Variants in BRCA2 observed in about 807,000 individuals in gnomAD.
BRCA2 encodes the protein BRCA2 DNA repair associated.
Under a neutral mutation model 276.7 loss-of-function variants are expected in BRCA2, and 203 were observed. The ratio of observed to expected loss-of-function variants is 0.73; its 90% CI spans 0.65 to 0.82. The LOEUF is 0.82. Ranked by LOEUF, BRCA2 falls within the 40% of genes least tolerant of loss-of-function variation. The probability of loss-of-function intolerance (pLI) is 0.00; values close to 1 mark genes in which losing one functional copy is unlikely to be tolerated. For missense variants in BRCA2, 3,920 were observed against 3,915.0 expected (o/e 1.00, Z -0.03); for synonymous variants, 1,289 against 1,338.4 (o/e 0.96, Z 0.81).
rs587782722 is a variant in BRCA2, at chr13:32,376,693, C to A, written c.8656C>A (p.Pro2886Thr). Residue 2886 changes from proline to threonine, a missense_variant, in exon 21 of 27, where the codon CCA (proline) becomes ACA (threonine). Physicochemically the swap from Pro to Thr is conservative, Grantham distance 38. Transcript: ENST00000380152. ...HEENTTKPYL[P>T]SRALTRQQVR... is the part of the protein sequence containing the mutation. The stretch of plus-strand genomic sequence containing the variant: ...AGAAAACACAACAAAACCATATTTA[C>A]CATCACGTGCACTAACAAGACAGCA... 1 of 1,614,016 alleles carries A rather than the reference C, an allele frequency of 6.2e-7. No homozygotes were observed. Among genetic ancestry groups the A allele is most frequent in the Non-Finnish European group, 8.5e-7 (1 of 1,179,972 alleles).
At chr13:32,335,249 G>A (rs1056811132) in intron 10 of BRCA2, among the ~76,000 whole-genome samples, 3 of 151,478 alleles carry the variant, frequency 2.0e-5, no homozygotes, top group Non-Finnish European at 2.9e-5. Flanking sequence ...GGACGCTAAG[G>A]CAGGAGAATC....
At position 32,366,755 on chromosome 13, in the gene BRCA2, G is replaced by GAGGT. The variant is rs11571736; in HGVS notation, c.8331+3223_8331+3226dup. 0.013 allele frequency among the ~76,000 whole-genome samples: 1,897 copies of GAGGT among 151,592 alleles called. 38 individuals carry two copies. The highest frequency in any genetic ancestry group is 0.044 in the African/African-American group (1,817 of 41,298). On this transcript the variant is annotated intron_variant, in intron 18 of 26. Transcript: ENST00000380152. Reference sequence around the variant, plus strand: ...GAGAATCACTTGAACCTGGGACGTAGAGGTTGCAGTGAGCCAAGGTCGCAC... The same window carrying GAGGT: ...GAGAATCACTTGAACCTGGGACGTAGAGGTAGGTTGCAGTGAGCCAAGGTCGCAC...
intron 3 of BRCA2, among the ~76,000 whole-genome samples, chr13:32,324,287 TC>T (rs1356748343): frequency 6.6e-6 from 1 of 152,162 alleles, no homozygotes; most frequent in East Asian, 1.9e-4. Context: ...AAAGAGTTGT[TC>T]CAGGTCAAGA....
Position 32,370,564 on chromosome 13 carries a change from T to A in BRCA2, c.8487+7T>A. ...AAGAGCATACCCTATACAGGTATGATGTATTCTTGAAACTTACCATATATT... is the reference window on the plus strand; with the variant it reads ...AAGAGCATACCCTATACAGGTATGAAGTATTCTTGAAACTTACCATATATT... On this transcript the variant is annotated splice_region_variant and intron_variant, in intron 19 of 26. Transcript: ENST00000380152. 1 of 1,608,516 alleles carries A rather than the reference T, an allele frequency of 6.2e-7. No individual in the cohort carries two copies. The highest frequency in any genetic ancestry group is 8.5e-7 in the Non-Finnish European group (1 of 1,174,892).
At chr13:32,355,366 T>C (rs2072686172) in intron 14 of BRCA2, 78 bp downstream of exon 14, 50 of 1,518,034 alleles carry the variant, frequency 3.3e-5, no homozygotes, top group Non-Finnish European at 4.1e-5. Context: ...TCCTGATGGT[T>C]TTCCCCCTTT....
chr13:32,395,948 T>TTTTCTTTC (rs772025726), intron 25 of BRCA2: 3 of 233,152 alleles, frequency 1.3e-5, no homozygotes, highest in African/African-American at 2.7e-5. Flanking sequence ...CATTTTCTTT[T>TTTTCTTTC]TTTCTTTCTT....
In BRCA2 at chr13:32,394,934, G is replaced by A. The variant is rs397508058; in HGVS notation, c.9501+1G>A. The stretch of plus-strand genomic sequence containing the variant: ...CAACAAAATGAAAAATACTGTTGAG[G>A]TAAGGTTACTTTTCAGCATCACCAC... On this transcript the variant is annotated splice_donor_variant, in intron 25 of 26. Coordinates refer to ENST00000380152, the MANE Select transcript of BRCA2 (RefSeq NM_000059.4). LOFTEE classifies it high-confidence loss of function. The A allele has an allele frequency of 1.9e-6, 3 of 1,613,914 alleles. No homozygotes were observed. The highest frequency in any genetic ancestry group is 1.1e-5 in the South Asian group (1 of 91,060).
chr13:32,365,417 G>T (rs938402133), intron 18 of BRCA2, among the ~76,000 whole-genome samples: 4 of 152,040 alleles, frequency 2.6e-5, no homozygotes, highest in Non-Finnish European at 4.4e-5. Context: ...TCTCGCTCTT[G>T]TTGCCCAGGC....
intron 20 of BRCA2, among the ~76,000 whole-genome samples, 154 bp from the exon 21 acceptor site, chr13:32,376,516 T>A (rs1236822359): frequency 6.9e-6 from 1 of 145,874 alleles, no homozygotes; most frequent in Non-Finnish European, 1.5e-5. Flanking sequence ...AGTGAGACCC[T>A]GTCTCAAAAA....
chr13:32,316,424 T>C lies in BRCA2; in HGVS notation c.-37T>C. On this transcript the variant is annotated splice_region_variant and 5_prime_UTR_variant, in exon 2 of 27. Transcript: ENST00000380152. ...CATTTTGGTCTTCTGTTTTGCAGAC[T>C]TATTTACCAAGCATTGGAGGAATAT... 6.3e-7 allele frequency: 1 copy of C among 1,582,214 alleles called. No individual in the cohort carries two copies. The highest frequency in any genetic ancestry group is 8.7e-7 in the Non-Finnish European group (1 of 1,151,278).
chr13:32,358,884 A>G (rs1439758909), intron 16 of BRCA2, among the ~76,000 whole-genome samples: 2 of 151,804 alleles, frequency 1.3e-5, no homozygotes, highest in African/African-American at 4.8e-5. Flanking sequence ...CAGTGAGCCA[A>G]GATCACGCCA....
At chr13:32,372,400 T>G (rs974377981) in intron 20 of BRCA2, among the ~76,000 whole-genome samples, 1 of 152,198 alleles carries the variant, frequency 6.6e-6, no homozygotes, top group African/African-American at 2.4e-5. Context: ...TTAATTGACT[T>G]ACAGTTCCAC....
intron 24 of BRCA2, chr13:32,385,471 G>A (rs934114199): frequency 1.4e-5 from 3 of 214,606 alleles, no homozygotes; most frequent in African/African-American, 4.6e-5. Context: ...AGAAGACTTT[G>A]TGGATGAAGC....
chr13:32,374,029 C>T (rs1227848385), intron 20 of BRCA2, among the ~76,000 whole-genome samples: 1 of 152,254 alleles, frequency 6.6e-6, no homozygotes, highest in Admixed American at 6.5e-5. Context: ...TGGAGGCCAC[C>T]AAGGCTTAGG....
chr13:32,378,770 G>A (rs1442414848), intron 21 of BRCA2, among the ~76,000 whole-genome samples: 2 of 152,146 alleles, frequency 1.3e-5, no homozygotes, highest in African/African-American at 4.8e-5. Context: ...GGACAGAAGT[G>A]TAGAGGCAAA....
chr13:32,329,037 G>A (rs1200466773), intron 7 of BRCA2, among the ~76,000 whole-genome samples: 3 of 152,166 alleles, frequency 2.0e-5, no homozygotes, highest in Non-Finnish European at 2.9e-5. Flanking sequence ...TTGCTTAGAT[G>A]AAATAATATG....
chr13:32,387,478 G>A (rs2072968254), intron 24 of BRCA2, among the ~76,000 whole-genome samples: 2 of 152,278 alleles, frequency 1.3e-5, no homozygotes, highest in Middle Eastern at 6.8e-3. Flanking sequence ...AGCGGTAACG[G>A]CAGTGTCTGG....
rs374691587 is a variant in BRCA2 at position 32,336,588 on chromosome 13, A to G, written c.2233A>G (p.Lys745Glu). 35 of 1,614,142 alleles carry G rather than the reference A, an allele frequency of 2.2e-5. No homozygotes were observed. In the African/African-American group the frequency reaches 3.9e-4, roughly 18 times the overall value. The change falls in exon 11 of 27, where the codon AAA (lysine) becomes GAA (glutamate). Residue 745 changes from lysine (K) to glutamate (E), a missense_variant. Physicochemically the swap from Lys to Glu is moderately conservative, Grantham distance 56 (BLOSUM62 1). Around this residue, in one of 2 missense-constraint regions of BRCA2, gnomAD observed 3,263 missense variants for 3,156.9 expected, o/e 1.03. Transcript: ENST00000380152. ...AGCATGTCACCCAGTACAACATTCA[A>G]AAGTGGAATACAGTGATACTGACTT... ...AAACHPVQHS[K>E]VEYSDTDFQS...
At chr13:32,350,976 A>G (rs1442014890) in intron 13 of BRCA2, among the ~76,000 whole-genome samples, 3 of 152,058 alleles carry the variant, frequency 2.0e-5, no homozygotes, top group African/African-American at 7.2e-5. Context: ...AGGTTTGTAA[A>G]CGCACCGGTC....
Sources: gnomAD v4.1 joint callset for allele counts (sites outside exome capture counted in the v4.1 genomes callset) on GRCh38, gnomAD v4.1.1 for gene constraint, gnomAD v4.1.1 regional missense constraint, MANE v1.5 for transcripts, NCBI Gene and HGNC (gene_info 2026-07-23, HGNC 2026-07-21) for gene names.